The following TM9SF4 variants were observed in gnomAD, a reference collection of about 807,000 sequenced individuals.
TM9SF4 encodes transmembrane 9 superfamily member 4.
TM9SF4 carries 26 observed loss-of-function variants against 90.4 expected under a neutral mutation model. That is an observed-to-expected ratio of 0.29 (90% CI 0.21 to 0.40). The LOEUF (loss-of-function observed/expected upper bound fraction) is 0.40, where lower values mean the gene tolerates loss of function less well. Ranked by LOEUF, TM9SF4 falls within the 10% of genes least tolerant of loss-of-function variation. The pLI, the probability that TM9SF4 is intolerant of heterozygous loss-of-function variation, is 1.00. For synonymous variants in TM9SF4, 293 were observed against 315.4 expected (o/e 0.93, Z 0.75); for missense variants, 549 against 834.8 (o/e 0.66, Z 4.22).
chr20:32,151,775 G>A (rs1197453553), intron 12 of TM9SF4, among the ~76,000 whole-genome samples: 1 of 152,128 alleles, frequency 6.6e-6, no homozygotes, highest in East Asian at 1.9e-4. Flanking sequence ...TCCACCTCCT[G>A]GGTTCAAGTT....
chr20:32,123,866 A>ATATTTTT lies in TM9SF4; in HGVS notation c.16-9146_16-9145insATTTTTT. 4.5e-3 allele frequency among the ~76,000 whole-genome samples: 419 copies of ATATTTTT among 93,946 alleles called. 8 individuals carry two copies. The highest frequency in any genetic ancestry group is 0.015 in the African/African-American group (320 of 21,970). The allele number at this position is 93,946 out of a possible 152,430, so 61.6% of individuals were successfully genotyped here. On this transcript the variant is annotated intron_variant, in intron 1 of 17. Transcript: ENST00000398022. ...CTCTCATATATATATATATATATAT[A>ATATTTTT]TTTTTTTTTTTAAAGAGATAGGGTC... is the stretch of plus-strand genomic sequence containing the variant.
chr20:32,116,862 C>CTTTT (rs201365030), intron 1 of TM9SF4, among the ~76,000 whole-genome samples: 2 of 95,848 alleles, frequency 2.1e-5, no homozygotes, highest in African/African-American at 4.1e-5. Context: ...TTTCCTTTTT[C>CTTTT]TTTTTTTTTT....
At chr20:32,145,446 G>A (rs1012317254) in intron 8 of TM9SF4, 23 bp downstream of exon 8, 1 of 1,604,164 alleles carries the variant, frequency 6.2e-7, no homozygotes, top group East Asian at 2.2e-5. Flanking sequence ...TGGGTTGAGG[G>A]AAAGGGGATG....
intron 3 of TM9SF4, among the ~76,000 whole-genome samples, chr20:32,140,751 A>G (rs1368248606): frequency 6.6e-6 from 1 of 152,166 alleles, no homozygotes; most frequent in African/African-American, 2.4e-5. Context: ...CCTCCACTGC[A>G]TAATGCTGCC....
Position 32,166,955 on chromosome 20 carries a change from C to T in TM9SF4, c.*1511C>T, listed in dbSNP as rs1372368813. On this transcript the variant is annotated 3_prime_UTR_variant, in exon 18 of 18. Coordinates refer to ENST00000398022, the MANE Select transcript of TM9SF4 (RefSeq NM_014742.4). ...CCTCACCCATCAAACCAGTGAATTT[C>T]TCAATCTTGCCTCACAGTGACTGCA... is the stretch of plus-strand genomic sequence containing the variant. 1 of 152,164 alleles carries T rather than the reference C, an allele frequency of 6.6e-6. No homozygotes were observed. Among genetic ancestry groups the T allele is most frequent in the African/African-American group, 2.4e-5 (1 of 41,436 alleles). 9.4% of individuals were successfully genotyped at this position (152,164 alleles called of 1,614,324 possible). A position where few individuals can be genotyped will look rare whatever the true frequency, so the allele number is the denominator to read the frequency against.
At chr20:32,110,299 C>T (rs1239529264) in intron 1 of TM9SF4, among the ~76,000 whole-genome samples, 1 of 152,158 alleles carries the variant, frequency 6.6e-6, no homozygotes, top group East Asian at 1.9e-4. Context: ...GCCGCTACCC[C>T]AGAGCTTGCC....
At chr20:32,115,500 A>G (rs1476139369) in intron 1 of TM9SF4, among the ~76,000 whole-genome samples, 1 of 152,176 alleles carries the variant, frequency 6.6e-6, no homozygotes, top group Non-Finnish European at 1.5e-5. Flanking sequence ...CAAATGGGGC[A>G]TGGATGGGGA....
chr20:32,144,360 G>T (rs2122417507), intron 6 of TM9SF4, among the ~76,000 whole-genome samples: 1 of 152,346 alleles, frequency 6.6e-6, no homozygotes, highest in East Asian at 1.9e-4. Flanking sequence ...AATGAATGGA[G>T]AAAACATCTG....
chr20:32,118,406 A>C (rs777513716), intron 1 of TM9SF4, among the ~76,000 whole-genome samples: 1 of 152,102 alleles, frequency 6.6e-6, no homozygotes, highest in African/African-American at 2.4e-5. Flanking sequence ...CACTTCTTAA[A>C]ATATAAATGA....
chr20:32,145,053 G>A (rs745714803), intron 6 of TM9SF4, 38 bp from the exon 7 acceptor site: 3 of 1,601,372 alleles, frequency 1.9e-6, no homozygotes, highest in African/African-American at 2.7e-5. Flanking sequence ...AGTGGCACTG[G>A]CCACCACAGG....
intron 1 of TM9SF4, among the ~76,000 whole-genome samples, chr20:32,115,803 TAAG>T (rs2046210088): frequency 3.7e-5 from 5 of 135,524 alleles, no homozygotes; most frequent in Admixed American, 1.6e-4. Flanking sequence ...CCTACCACTT[TAAG>T]CTTTTTTTTT....
In TM9SF4 at chr20:32,133,133, G is replaced by A; in HGVS notation, c.129+7G>A. The A allele has an allele frequency of 6.2e-7, 1 of 1,613,754 alleles. No homozygotes were observed. Among genetic ancestry groups the A allele is most frequent in the Non-Finnish European group, 8.5e-7 (1 of 1,179,740 alleles). On this transcript the variant is annotated splice_region_variant and intron_variant, in intron 2 of 17. Transcript: ENST00000398022. Reference sequence around the variant, plus strand: ...CGATCCCGTAGAAATCAAGGTAAGTGTGTTCCTGGATTTTTGGAGCCTCTG... The same window carrying A: ...CGATCCCGTAGAAATCAAGGTAAGTATGTTCCTGGATTTTTGGAGCCTCTG...
chr20:32,146,982 CTTTTTT>C, intron 9 of TM9SF4, 127 bp downstream of exon 9: 3 of 584,730 alleles, frequency 5.1e-6, no homozygotes, highest in Non-Finnish European at 8.1e-6. Context: ...GTTTAGTATA[CTTTTTT>C]TTTTTTTTTT....
intron 1 of TM9SF4, among the ~76,000 whole-genome samples, chr20:32,114,157 A>G (rs1192832796): frequency 6.6e-6 from 1 of 152,164 alleles, no homozygotes; most frequent in Admixed American, 6.5e-5. Flanking sequence ...TTCAGTTTCC[A>G]TGGGTGTATG....
chr20:32,164,430 T>C (rs2047071709), intron 17 of TM9SF4, among the ~76,000 whole-genome samples: 1 of 152,102 alleles, frequency 6.6e-6, no homozygotes, highest in Non-Finnish European at 1.5e-5. Context: ...GAGGATCCCT[T>C]GAGCCCAGGA....
chr20:32,160,133 G>T (rs766081278), intron 16 of TM9SF4, 22 bp downstream of exon 16: 1 of 1,613,950 alleles, frequency 6.2e-7, no homozygotes, highest in Non-Finnish European at 8.5e-7. Context: ...AGGGCCAGGA[G>T]GCGGGGGAGG....
chr20:32,110,695 C>G (rs368498262), intron 1 of TM9SF4, among the ~76,000 whole-genome samples: 1 of 152,264 alleles, frequency 6.6e-6, no homozygotes, highest in Non-Finnish European at 1.5e-5. Flanking sequence ...TATTATGAAG[C>G]TATATGTTGG....
At chr20:32,159,894 T>C (rs2046989259) in intron 15 of TM9SF4, 98 bp from the exon 16 acceptor site, 2 of 1,543,596 alleles carry the variant, frequency 1.3e-6, no homozygotes, top group Admixed American at 3.4e-5. Flanking sequence ...GATGGTGTCA[T>C]GATGATGTGT....
At chr20:32,129,721 A>G (rs575445123) in intron 1 of TM9SF4, among the ~76,000 whole-genome samples, 1 of 150,942 alleles carries the variant, frequency 6.6e-6, no homozygotes, top group Non-Finnish European at 1.5e-5. Flanking sequence ...AGTAGCTGGG[A>G]TTACAGGCAT....
Sources: allele counts gnomAD v4.1 joint callset (sites outside exome capture counted in the v4.1 genomes callset), GRCh38; gene constraint gnomAD v4.1.1; transcripts MANE v1.5; gene names NCBI Gene and HGNC (gene_info 2026-07-23, HGNC 2026-07-21).